Variants in DAW1 observed in about 807,000 individuals in gnomAD.
DAW1 encodes the protein dynein assembly factor with WD repeats 1.
DAW1 carries 47 observed loss-of-function variants against 56.5 expected under a neutral mutation model. That is an observed-to-expected ratio of 0.83 (90% CI 0.66 to 1.06). The LOEUF is 1.06. Ranked by LOEUF, DAW1 falls within the 50% of genes least tolerant of loss-of-function variation. The pLI is 0.00. For missense variants in DAW1, 505 were observed against 499.3 expected (o/e 1.01, Z -0.11); for synonymous variants, 190 against 179.0 (o/e 1.06, Z -0.49).
chr2:227,898,647 C>CT (rs1267511203), intron 6 of DAW1, among the ~76,000 whole-genome samples: 1 of 152,024 alleles, frequency 6.6e-6, no homozygotes, highest in Non-Finnish European at 1.5e-5. Context: ...GTTGCTGTTT[C>CT]TTTTTAGGAT....
At chr2:227,923,847 T>C in intron 12 of DAW1, 87 bp from the exon 13 acceptor site, 1 of 1,523,586 alleles carries the variant, frequency 6.6e-7, no homozygotes, top group Non-Finnish European at 9.0e-7. Context: ...TAATTACCAA[T>C]GGCCCAGAAA....
At chr2:227,908,588 C>T (rs1691740389) in intron 10 of DAW1, among the ~76,000 whole-genome samples, 1 of 152,186 alleles carries the variant, frequency 6.6e-6, no homozygotes, top group Admixed American at 6.5e-5. Context: ...TGCACTATTT[C>T]CCTGGCAAGT....
At chr2:227,876,386 AT>A in intron 1 of DAW1, 6 of 1,246,730 alleles carry the variant, frequency 4.8e-6, no homozygotes, top group Non-Finnish European at 6.3e-6. Context: ...CTTAATGCTT[AT>A]CTTATAATGA....
At chr2:227,910,937 G>T (rs879564255) in intron 10 of DAW1, among the ~76,000 whole-genome samples, 1 of 151,742 alleles carries the variant, frequency 6.6e-6, no homozygotes, top group Non-Finnish European at 1.5e-5. Context: ...CTTTTTTTCT[G>T]CATCCAATCA....
intron 7 of DAW1, among the ~76,000 whole-genome samples, chr2:227,903,524 G>C (rs1691601181): frequency 6.6e-6 from 1 of 152,118 alleles, no homozygotes; most frequent in Non-Finnish European, 1.5e-5. Context: ...AATGACAGAG[G>C]GGCAAGTGAC....
rs1296890647 is a variant in DAW1 at position 227,907,270 on chromosome 2, T to C, written c.973+18T>C. ...AGCTGATGGTAGGTGATCTGTTCAT[T>C]CTTTTAATTTTTGGAGAGATTTATG... On this transcript the variant is annotated intron_variant, in intron 10 of 12. Transcript: ENST00000309931. The C allele has an allele frequency of 6.3e-7, 1 of 1,593,218 alleles. No individual in the cohort carries two copies. Among genetic ancestry groups the C allele is most frequent in the Non-Finnish European group, 8.6e-7 (1 of 1,165,814 alleles).
At chr2:227,894,743 GTCT>G (rs1691366659) in intron 5 of DAW1, among the ~76,000 whole-genome samples, 5 of 152,192 alleles carry the variant, frequency 3.3e-5, no homozygotes, top group Admixed American at 3.3e-4. Context: ...ATTGCACAGT[GTCT>G]TCTATTCTTC....
At chr2:227,898,418 T>C (rs1179482154) in intron 6 of DAW1, 137 bp downstream of exon 6, 2 of 289,990 alleles carry the variant, frequency 6.9e-6, no homozygotes, top group African/African-American at 4.6e-5. Flanking sequence ...CCTCCTGGGT[T>C]CATGCCATTC....
At chr2:227,884,552 T>A (rs967605682) in intron 1 of DAW1, among the ~76,000 whole-genome samples, 1 of 152,192 alleles carries the variant, frequency 6.6e-6, no homozygotes, top group African/African-American at 2.4e-5. Flanking sequence ...TACTGTCCTT[T>A]GTTTTTTCGG....
intron 7 of DAW1, among the ~76,000 whole-genome samples, chr2:227,903,733 A>G (rs1276419687): frequency 1.4e-5 from 2 of 147,652 alleles, no homozygotes; most frequent in Non-Finnish European, 3.0e-5. Context: ...CAACAAAACT[A>G]GAGTGACCCT....
rs1364061663 is a variant in DAW1, at chr2:227,885,398, A to G, written c.88A>G (p.Ile30Val). ...EKHGELKTKS[I>V]DLLDLGPSTD... ...ACATGGAGAATTAAAGACTAAGTCC[A>G]TAGATTTGCTTGATCTTGGTCCCAG... Residue 30 changes from isoleucine to valine, a missense_variant, in exon 2 of 13, where the codon ATA becomes GTA. By Grantham distance (29) the Ile-to-Val change is conservative (BLOSUM62 3). Transcript: ENST00000309931. 1 of 1,603,328 alleles carries G rather than the reference A, an allele frequency of 6.2e-7. No homozygotes were observed. Among genetic ancestry groups the G allele is most frequent in the East Asian group, 2.2e-5 (1 of 44,522 alleles).
intron 1 of DAW1, among the ~76,000 whole-genome samples, chr2:227,879,638 A>G (rs1278557464): frequency 6.6e-6 from 1 of 151,766 alleles, no homozygotes; most frequent in Non-Finnish European, 1.5e-5. Context: ...CCATTATATT[A>G]TCTAGAATAT....
intron 10 of DAW1, among the ~76,000 whole-genome samples, chr2:227,911,269 C>CATATATATACATATATATACATAT (rs1691815135): frequency 2.5e-5 from 3 of 119,520 alleles, no homozygotes; most frequent in Non-Finnish European, 5.2e-5. Flanking sequence ...TGTATATACA[C>CATATATATACATATATATACATAT]ATATACACGT....
At chr2:227,873,886 G>A (rs962445779) in intron 1 of DAW1, among the ~76,000 whole-genome samples, 80 of 152,236 alleles carry the variant, frequency 5.3e-4, no homozygotes, top group African/African-American at 1.9e-3. Context: ...TCACCATGTT[G>A]GCCAGGCTGG....
chr2:227,876,622 TC>T, intron 1 of DAW1: 1 of 630,818 alleles, frequency 1.6e-6, no homozygotes, highest in Non-Finnish European at 2.3e-6. Flanking sequence ...ATTTTCGCCC[TC>T]CCACTTTCTT....
chr2:227,889,024 C>T (rs1691196479), intron 2 of DAW1, among the ~76,000 whole-genome samples: 1 of 152,104 alleles, frequency 6.6e-6, no homozygotes, highest in Non-Finnish European at 1.5e-5. Context: ...ACCTCAGTTT[C>T]TTCATCTCTA....
At chr2:227,922,983 G>A (rs895502530) in intron 12 of DAW1, among the ~76,000 whole-genome samples, 3 of 152,200 alleles carry the variant, frequency 2.0e-5, no homozygotes, top group Admixed American at 1.3e-4. Context: ...GGCTGGCTCT[G>A]CAGTACTTCT....
chr2:227,886,025 A>G (rs1691122609), intron 2 of DAW1, among the ~76,000 whole-genome samples: 1 of 136,434 alleles, frequency 7.3e-6, no homozygotes, highest in Non-Finnish European at 1.5e-5. Context: ...CCCAGTCTGG[A>G]GTGCAGTGGC....
chr2:227,888,781 C>A (rs1691189799), intron 2 of DAW1, among the ~76,000 whole-genome samples: 1 of 152,232 alleles, frequency 6.6e-6, no homozygotes, highest in East Asian at 1.9e-4. Context: ...TACATTGATA[C>A]CTTTTTTTGA....
Sources: gnomAD v4.1 joint callset for allele counts (sites outside exome capture counted in the v4.1 genomes callset) on GRCh38, gnomAD v4.1.1 for gene constraint, MANE v1.5 for transcripts, NCBI Gene and HGNC (gene_info 2026-07-23, HGNC 2026-07-21) for gene names.